Variants in KCNH7 observed in about 807,000 individuals in gnomAD.
The protein encoded by KCNH7 is voltage-gated inwardly rectifying potassium channel KCNH7.
A neutral mutation model predicts 120.8 loss-of-function variants in KCNH7; 49 were observed. That is an observed-to-expected ratio of 0.41 (90% CI 0.32 to 0.51). KCNH7 has a LOEUF of 0.51. KCNH7 is among the 20% of genes least tolerant of loss of function. The pLI, the probability that KCNH7 is intolerant of heterozygous loss-of-function variation, is 0.38. For missense variants in KCNH7, 1,097 were observed against 1,446.6 expected (o/e 0.76, Z 3.92); for synonymous variants, 547 against 516.1 (o/e 1.06, Z -0.81).
At position 162,384,954 on chromosome 2, in the gene KCNH7, A is replaced by T; in HGVS notation, c.2711-15T>A. 6.3e-7 allele frequency: 1 copy of T among 1,584,888 alleles called. No individual in the cohort carries two copies. Among genetic ancestry groups the T allele is most frequent in the Non-Finnish European group, 8.6e-7 (1 of 1,163,934 alleles). ...TGTACTGTTTTCTTTGCCAAAATAT[A>T]TCAAAGAAAAGTTATTTTATAGCAG... On this transcript the variant is annotated splice_polypyrimidine_tract_variant and intron_variant, in intron 12 of 15. Coordinates refer to ENST00000332142, the MANE Select transcript of KCNH7 (RefSeq NM_033272.4).
In KCNH7 at chr2:162,626,922, G is replaced by A. The variant is rs375399644; in HGVS notation, c.308-89842C>T. Among the ~76,000 whole-genome samples the A allele has an allele frequency of 9.2e-5, 14 of 152,256 alleles. No homozygotes were observed. The East Asian group carries it at 2.1e-3, about 23-fold the overall frequency. On this transcript the variant is annotated intron_variant, in intron 2 of 15. Transcript: ENST00000332142. The stretch of plus-strand genomic sequence containing the variant: ...AGGAGTGAGTTGTCTTTCTTACACT[G>A]TGGTACCAATCAAAGATAAGAATTT...
At chr2:162,752,938 G>T (rs981240593) in intron 2 of KCNH7, among the ~76,000 whole-genome samples, 2 of 92,436 alleles carry the variant, frequency 2.2e-5, no homozygotes, top group African/African-American at 1.4e-4. Context: ...GAAAAGAAAA[G>T]AAAAGAAAAG....
Position 162,810,166 on chromosome 2 carries a change from C to T in KCNH7, c.307+26371G>A, listed in dbSNP as rs1301005282. On this transcript the variant is annotated intron_variant, in intron 2 of 15. Coordinates refer to ENST00000332142, the MANE Select transcript of KCNH7 (RefSeq NM_033272.4). ...TCCTGACCTCGTGATCCGCCCGCCT[C>T]GGCCTCCCAAAGTGCTGGGATTACA... is the stretch of plus-strand genomic sequence containing the variant. 5.4e-4 allele frequency among the ~76,000 whole-genome samples: 11 copies of T among 20,326 alleles called. 5 individuals are homozygous for T. Among genetic ancestry groups the T allele is most frequent in the African/African-American group, 1.1e-3 (9 of 8,094 alleles). The allele number at this position is 20,326 out of a possible 152,430, so 13.3% of individuals were successfully genotyped here. A position where few individuals can be genotyped will look rare whatever the true frequency, so the allele number is the denominator to read the frequency against.
chr2:162,582,365 C>A (rs1461312736), intron 2 of KCNH7, among the ~76,000 whole-genome samples: 2 of 152,048 alleles, frequency 1.3e-5, no homozygotes, highest in African/African-American at 4.8e-5. Flanking sequence ...GAGTGATATT[C>A]TAGCATTTAA....
intron 6 of KCNH7, among the ~76,000 whole-genome samples, chr2:162,466,726 G>A (rs1390556564): frequency 6.6e-6 from 1 of 152,118 alleles, no homozygotes; most frequent in Non-Finnish European, 1.5e-5. Context: ...TTTCATTTGA[G>A]GACAGGTAAT....
chr2:162,757,455 T>C (rs1688825198), intron 2 of KCNH7, among the ~76,000 whole-genome samples: 1 of 152,154 alleles, frequency 6.6e-6, no homozygotes. Context: ...TATAGCTTTT[T>C]TTGCTAAAAT....
chr2:162,552,805 G>T (rs1278766834), intron 2 of KCNH7, among the ~76,000 whole-genome samples: 1 of 152,198 alleles, frequency 6.6e-6, no homozygotes, highest in African/African-American at 2.4e-5. Flanking sequence ...CAGGAGGAAA[G>T]TGGGGACACA....
chr2:162,656,085 T>A (rs1684751619), intron 2 of KCNH7, among the ~76,000 whole-genome samples: 2 of 152,224 alleles, frequency 1.3e-5, no homozygotes, highest in South Asian at 2.1e-4. Context: ...TTGTACTGTA[T>A]ATAAATTTTG....
chr2:162,801,026 C>A (rs1257850694), intron 2 of KCNH7, among the ~76,000 whole-genome samples: 3 of 151,718 alleles, frequency 2.0e-5, no homozygotes. Context: ...TCACATTTTA[C>A]ATAAAATTCA....
intron 2 of KCNH7, among the ~76,000 whole-genome samples, chr2:162,814,510 T>C (rs1385855621): frequency 6.6e-6 from 1 of 152,226 alleles, no homozygotes; most frequent in South Asian, 2.1e-4. Context: ...CAAAGACTTG[T>C]TATCTACAGA....
intron 2 of KCNH7, among the ~76,000 whole-genome samples, chr2:162,732,786 T>C (rs1687774570): frequency 2.0e-5 from 3 of 152,186 alleles, no homozygotes; most frequent in African/African-American, 7.2e-5. Flanking sequence ...CTGTTAGAAA[T>C]AGAAATTTCT....
chr2:162,804,802 T>C (rs1164587533), intron 2 of KCNH7, among the ~76,000 whole-genome samples: 1 of 150,238 alleles, frequency 6.7e-6, no homozygotes, highest in Non-Finnish European at 1.5e-5. Flanking sequence ...AAAATAATCC[T>C]AAGCAAAAAG....
intron 2 of KCNH7, among the ~76,000 whole-genome samples, chr2:162,639,515 C>T (rs1438345791): frequency 6.6e-6 from 1 of 151,988 alleles, no homozygotes; most frequent in Non-Finnish European, 1.5e-5. Flanking sequence ...ACAAGTAGCA[C>T]ATTAGAAGGT....
rs1017136860 is a variant in KCNH7, at chr2:162,783,039, T to G, written c.307+53498A>C. 5.3e-5 allele frequency among the ~76,000 whole-genome samples: 8 copies of G among 152,186 alleles called. No homozygotes were observed. In the South Asian group the frequency reaches 1.7e-3, roughly 32 times the overall value. On this transcript the variant is annotated intron_variant, in intron 2 of 15. Transcript: ENST00000332142. ...CCTAGCCTGTCCTAACTCTTCACTA[T>G]GCATCCAGCATCTTTCTGTTATCCA...
intron 13 of KCNH7, among the ~76,000 whole-genome samples, chr2:162,381,198 T>C (rs899694878): frequency 1.3e-5 from 2 of 152,032 alleles, no homozygotes; most frequent in African/African-American, 4.8e-5. Context: ...TTACAGAAAG[T>C]GATTTTGGTT....
chr2:162,812,356 G>A (rs1684761005), intron 2 of KCNH7, among the ~76,000 whole-genome samples: 1 of 152,038 alleles, frequency 6.6e-6, no homozygotes, highest in South Asian at 2.1e-4. Context: ...GCATCTGCAG[G>A]GACAACCAGG....
intron 2 of KCNH7, among the ~76,000 whole-genome samples, chr2:162,701,504 G>T (rs1354532237): frequency 1.3e-5 from 2 of 151,902 alleles, no homozygotes; most frequent in Non-Finnish European, 2.9e-5. Flanking sequence ...ACTATTTTCA[G>T]TTCCAAGTGT....
intron 2 of KCNH7, among the ~76,000 whole-genome samples, chr2:162,609,674 T>C (rs1162500313): frequency 6.6e-6 from 1 of 152,186 alleles, no homozygotes; most frequent in Non-Finnish European, 1.5e-5. Flanking sequence ...AACTTCTTAC[T>C]GGTTTTTCCT....
chr2:162,579,013 A>G (rs924841014), intron 2 of KCNH7, among the ~76,000 whole-genome samples: 2 of 151,844 alleles, frequency 1.3e-5, no homozygotes, highest in Admixed American at 1.3e-4. Context: ...GACTGATTGG[A>G]TCATAAAATA....
Sources: gnomAD v4.1 joint callset for allele counts (sites outside exome capture counted in the v4.1 genomes callset) on GRCh38, gnomAD v4.1.1 for gene constraint, MANE v1.5 for transcripts, NCBI Gene and HGNC (gene_info 2026-07-23, HGNC 2026-07-21) for gene names.